Variants in TG observed in about 807,000 individuals in gnomAD.
TG encodes the protein thyroid hormones.
TG carries 270 observed loss-of-function variants against 324.7 expected under a neutral mutation model. That is an observed-to-expected ratio of 0.83 (90% CI 0.75 to 0.92). TG has a LOEUF of 0.92. TG is among the 40% of genes least tolerant of loss of function. The pLI, the probability that TG is intolerant of heterozygous loss-of-function variation, is 0.00. For missense variants in TG, 3,591 were observed against 3,456.4 expected (o/e 1.04, Z -0.98); for synonymous variants, 1,401 against 1,327.0 (o/e 1.06, Z -1.21).
In TG at chr8:132,957,307, AAGGATGAACTTAAGAC is replaced by A. The variant is rs547296889; in HGVS notation, c.5402-3698_5402-3683del. Among the ~76,000 whole-genome samples the A allele has an allele frequency of 1.3e-3, 199 of 152,274 alleles. 2 individuals carry two copies. Among genetic ancestry groups the A allele is most frequent in the Admixed American group, 7.3e-3 (112 of 15,296 alleles). On this transcript the variant is annotated intron_variant, in intron 27 of 47. Coordinates refer to ENST00000220616, the MANE Select transcript of TG (RefSeq NM_003235.5). ...AATTGTGTTGAAACAGGCAAAAACC[AAGGATGAACTTAAGAC>A]AGCATATTTCCCAGGCTGGCAGACC...
chr8:132,994,687 T>C lies in TG; in HGVS notation c.6262+11275T>C, dbSNP rs928356214. On this transcript the variant is annotated intron_variant, in intron 35 of 47. Coordinates refer to ENST00000220616, the MANE Select transcript of TG (RefSeq NM_003235.5). Reference sequence around the variant, plus strand: ...TCCTGAAGGAACTCAGTTTGACTTATTACAGAAGCATCTACCTCTTCTCCC... The same window carrying C: ...TCCTGAAGGAACTCAGTTTGACTTACTACAGAAGCATCTACCTCTTCTCCC... The C allele has an allele frequency of 7.0e-6, 9 of 1,287,718 alleles. No homozygotes were observed. The East Asian group carries it at 1.7e-4, about 24-fold the overall frequency. 79.8% of individuals were successfully genotyped at this position (1,287,718 alleles called of 1,614,324 possible). A position where few individuals can be genotyped will look rare whatever the true frequency, so the allele number is the denominator to read the frequency against.
At chr8:133,078,890 C>A (rs1845309162) in intron 41 of TG, among the ~76,000 whole-genome samples, 1 of 152,156 alleles carries the variant, frequency 6.6e-6, no homozygotes, top group South Asian at 2.1e-4. Context: ...AGTTTCTGAT[C>A]TAGCAGAGGA....
intron 41 of TG, chr8:133,060,353 T>C (rs1842196835): frequency 2.6e-6 from 4 of 1,543,708 alleles, no homozygotes; most frequent in South Asian, 2.4e-5. Context: ...TTGGTGAAGA[T>C]TGGTTACTTT....
At chr8:132,987,104 T>C (rs1831663985) in intron 35 of TG, among the ~76,000 whole-genome samples, 2 of 152,136 alleles carry the variant, frequency 1.3e-5, no homozygotes, top group African/African-American at 2.4e-5. Context: ...CTTTCACATA[T>C]ACACACAGCC....
chr8:132,919,930 G>A (rs1820881970), intron 21 of TG, among the ~76,000 whole-genome samples: 1 of 152,234 alleles, frequency 6.6e-6, no homozygotes, highest in Non-Finnish European at 1.5e-5. Flanking sequence ...AATATTAGTA[G>A]CCCAGCTTTT....
In TG at chr8:133,110,425, A is replaced by G. The variant is rs528329409; in HGVS notation, c.7573-2997A>G. The stretch of plus-strand genomic sequence containing the variant: ...GGAACGAACTATTATATTTTCTTGC[A>G]CAGTTTTTCAAATATTCATATTATT... On this transcript the variant is annotated intron_variant, in intron 43 of 47. Coordinates refer to ENST00000220616, the MANE Select transcript of TG (RefSeq NM_003235.5). Among the ~76,000 whole-genome samples, 6 of 152,318 alleles carry G rather than the reference A, an allele frequency of 3.9e-5. No individual in the cohort carries two copies. The East Asian group carries it at 7.7e-4, about 20-fold the overall frequency.
At chr8:132,966,959 C>A (rs1828650220) in intron 30 of TG, among the ~76,000 whole-genome samples, 1 of 152,154 alleles carries the variant, frequency 6.6e-6, no homozygotes, top group Non-Finnish European at 1.5e-5. Context: ...ATCCATCCAT[C>A]CATCCATCTA....
At chr8:133,047,818 G>C (rs767811506) in intron 41 of TG, 2 of 1,418,440 alleles carry the variant, frequency 1.4e-6, no homozygotes, top group Non-Finnish European at 2.0e-6. Flanking sequence ...AGATGAGTTG[G>C]GGGCCACTCA....
chr8:132,904,896 GGTGGAGGAT>G (rs1384151915), intron 16 of TG, among the ~76,000 whole-genome samples: 1 of 152,188 alleles, frequency 6.6e-6, no homozygotes, highest in Non-Finnish European at 1.5e-5. Flanking sequence ...CTAGCACACT[GGTGGAGGAT>G]GTGGATTCTG....
chr8:133,044,614 G>A (rs906151565), intron 41 of TG, among the ~76,000 whole-genome samples: 4 of 152,126 alleles, frequency 2.6e-5, no homozygotes, highest in African/African-American at 4.8e-5. Context: ...GGCCAATGAG[G>A]ATTCTGACAA....
intron 41 of TG, among the ~76,000 whole-genome samples, chr8:133,051,549 C>A (rs945670202): frequency 6.6e-6 from 1 of 151,914 alleles, no homozygotes; most frequent in Admixed American, 6.6e-5. Flanking sequence ...TTAATAGGGA[C>A]ATTTGTTGAG....
chr8:132,876,046 C>T (rs1415815075), intron 5 of TG, among the ~76,000 whole-genome samples: 1 of 151,904 alleles, frequency 6.6e-6, no homozygotes, highest in Non-Finnish European at 1.5e-5. Context: ...TTCAATATTG[C>T]AGCAAGCATG....
At chr8:132,900,061 T>G (rs1029420408) in intron 14 of TG, among the ~76,000 whole-genome samples, 176 bp from the exon 15 acceptor site, 1 of 152,208 alleles carries the variant, frequency 6.6e-6, no homozygotes, top group African/African-American at 2.4e-5. Context: ...GTCAATCAAA[T>G]GATGCACGTA....
chr8:133,119,051 G>A (rs1850937276), intron 45 of TG, among the ~76,000 whole-genome samples: 1 of 152,182 alleles, frequency 6.6e-6, no homozygotes, highest in Admixed American at 6.5e-5. Flanking sequence ...GGAGAGCACG[G>A]GGAGGGAGTG....
chr8:132,991,767 C>G (rs55669707), intron 35 of TG, among the ~76,000 whole-genome samples: 25,217 of 152,034 alleles, frequency 0.17, 2,599 homozygotes, highest in Middle Eastern at 0.32. Flanking sequence ...CCACATCTGC[C>G]AGGGACTGTG....
intron 43 of TG, chr8:133,106,453 C>T: frequency 1.0e-6 from 1 of 985,338 alleles, no homozygotes; most frequent in Non-Finnish European, 1.2e-6. Flanking sequence ...CTCCCAGGTC[C>T]CGCCTGAAGC....
At chr8:133,002,616 A>G (rs955087145) in intron 35 of TG, 3 of 221,396 alleles carry the variant, frequency 1.4e-5, no homozygotes, top group Non-Finnish European at 1.7e-5. Flanking sequence ...TATGCCATGA[A>G]CTCATAGGGA....
chr8:132,968,781 C>A (rs965686158), intron 31 of TG, among the ~76,000 whole-genome samples: 5 of 152,308 alleles, frequency 3.3e-5, no homozygotes, highest in Middle Eastern at 3.4e-3. Flanking sequence ...CAACACCTGG[C>A]CTTGGGGCAC....
At chr8:133,039,069 G>C (rs996554411) in intron 41 of TG, among the ~76,000 whole-genome samples, 2 of 152,088 alleles carry the variant, frequency 1.3e-5, no homozygotes, top group African/African-American at 4.8e-5. Context: ...AGTAGAGACA[G>C]GGTTTCACCA....
Sources: gnomAD v4.1 joint callset for allele counts (sites outside exome capture counted in the v4.1 genomes callset) on GRCh38, gnomAD v4.1.1 for gene constraint, MANE v1.5 for transcripts, NCBI Gene and HGNC (gene_info 2026-07-23, HGNC 2026-07-21) for gene names.